FGGY: variants seen among roughly 807,000 people sequenced by gnomAD.
FGGY encodes FGGY carbohydrate kinase domain-containing protein.
In FGGY, 72 loss-of-function variants were observed where a neutral mutation model predicts 71.3. The observed-to-expected ratio is 1.01, with a 90% CI of 0.84 to 1.23. The LOEUF (loss-of-function observed/expected upper bound fraction) is 1.23, where lower values mean the gene tolerates loss of function less well. FGGY is among the 50% of genes most tolerant of loss of function. FGGY has a pLI of 0.00. For synonymous variants in FGGY, 251 were observed against 250.3 expected, an observed-to-expected ratio of 1.00 and a Z score of -0.02; for missense variants, 668 against 682.3, an observed-to-expected ratio of 0.98 and a Z score of 0.23.
intron 5 of FGGY, among the ~76,000 whole-genome samples, chr1:59,383,439 G>GC (rs1438102872): frequency 2.6e-5 from 4 of 152,028 alleles, no homozygotes; most frequent in Admixed American, 2.0e-4. Flanking sequence ...AAATTCTAAG[G>GC]CCCCCCGCCA....
At chr1:59,706,793 T>A in intron 14 of FGGY, among the ~76,000 whole-genome samples, 1 of 152,360 alleles carries the variant, frequency 6.6e-6, no homozygotes, top group South Asian at 2.1e-4. Flanking sequence ...ACATTCAGTT[T>A]CCTGATCTGT....
At chr1:59,419,728 G>T (rs1364925392) in intron 5 of FGGY, among the ~76,000 whole-genome samples, 1 of 152,158 alleles carries the variant, frequency 6.6e-6, no homozygotes, top group Non-Finnish European at 1.5e-5. Context: ...TAGGTCCAGA[G>T]TTAAGCATAA....
At chr1:59,675,341 T>C (rs1014168823) in intron 14 of FGGY, among the ~76,000 whole-genome samples, 5 of 152,174 alleles carry the variant, frequency 3.3e-5, no homozygotes, top group African/African-American at 1.2e-4. Flanking sequence ...CTAATACCTA[T>C]AACAATGCTT....
At chr1:59,542,576 C>G (rs928554298) in intron 7 of FGGY, among the ~76,000 whole-genome samples, 6 of 147,786 alleles carry the variant, frequency 4.1e-5, no homozygotes, top group Admixed American at 3.5e-4. Flanking sequence ...TCTGTCTCAG[C>G]GTCCCGAGTA....
At chr1:59,749,609 G>T (rs1207857836) in intron 14 of FGGY, among the ~76,000 whole-genome samples, 1 of 151,992 alleles carries the variant, frequency 6.6e-6, no homozygotes, top group Non-Finnish European at 1.5e-5. Flanking sequence ...AACTATTCTG[G>T]CCAGGCACAG....
In FGGY at chr1:59,725,614, G is replaced by GT. The variant is rs535026101; in HGVS notation, c.1513-32309dup. ...TTTATACCTAAGTGTTTTTGTGGGG[G>GT]TTTTTTTTGTTTTTTGTTTTTTGTT... On this transcript the variant is annotated intron_variant, in intron 14 of 15. Transcript: ENST00000303721. 1.9e-4 allele frequency among the ~76,000 whole-genome samples: 28 copies of GT among 150,750 alleles called. No individual in the cohort carries two copies. The South Asian group carries it at 2.5e-3, about 13-fold the overall frequency.
intron 14 of FGGY, among the ~76,000 whole-genome samples, chr1:59,681,736 T>C (rs1467288878): frequency 6.6e-6 from 1 of 152,114 alleles, no homozygotes; most frequent in Non-Finnish European, 1.5e-5. Context: ...ACAAGGCTTT[T>C]AGTTAAATCA....
chr1:59,303,657 T>C (rs1333591302), intron 1 of FGGY, among the ~76,000 whole-genome samples: 1 of 152,124 alleles, frequency 6.6e-6, no homozygotes, highest in Non-Finnish European at 1.5e-5. Flanking sequence ...TCTATTTTTA[T>C]TATTTTGAGG....
intron 6 of FGGY, among the ~76,000 whole-genome samples, chr1:59,492,302 T>A (rs1388830667): frequency 6.6e-6 from 1 of 152,156 alleles, no homozygotes; most frequent in Non-Finnish European, 1.5e-5. Flanking sequence ...GATAAGGTGA[T>A]CCTTGGCTGT....
chr1:59,370,713 A>G (rs548400573), intron 4 of FGGY, among the ~76,000 whole-genome samples: 29 of 151,924 alleles, frequency 1.9e-4, no homozygotes, highest in South Asian at 1.9e-3. Flanking sequence ...ATCTCTTGGC[A>G]GAAACTCTAC....
chr1:59,438,808 A>T (rs1233617942), intron 5 of FGGY, among the ~76,000 whole-genome samples: 1 of 152,216 alleles, frequency 6.6e-6, no homozygotes, highest in Non-Finnish European at 1.5e-5. Context: ...TTTGCTTCAC[A>T]TTTAGAAATT....
chr1:59,445,467 A>G (rs187192363), intron 5 of FGGY, among the ~76,000 whole-genome samples: 1 of 152,198 alleles, frequency 6.6e-6, no homozygotes, highest in South Asian at 2.1e-4. Flanking sequence ...ATGTTCTGGA[A>G]GCCATTGTTT....
chr1:59,455,348 T>A (rs79830444), intron 5 of FGGY, among the ~76,000 whole-genome samples: 2 of 152,146 alleles, frequency 1.3e-5, no homozygotes, highest in East Asian at 3.8e-4. Flanking sequence ...ATAATGGGGA[T>A]GACTGTTCCA....
intron 5 of FGGY, among the ~76,000 whole-genome samples, chr1:59,435,776 G>GTC (rs2068323493): frequency 6.7e-6 from 1 of 150,110 alleles, no homozygotes; most frequent in African/African-American, 2.5e-5. Flanking sequence ...GTGTGTGTGT[G>GTC]TGTGTGTGTG....
rs777717495 is a variant in FGGY at position 59,674,023 on chromosome 1, G to A, written c.1418-16G>A. The A allele has an allele frequency of 5.0e-6, 8 of 1,610,694 alleles. No homozygotes were observed. The highest frequency in any genetic ancestry group is 4.2e-6 in the Non-Finnish European group (5 of 1,178,256). On this transcript the variant is annotated splice_polypyrimidine_tract_variant and intron_variant, in intron 13 of 15. Transcript: ENST00000303721. ...GGCTCTGCTCCCTAACCAAGGTGTGGCCTTGTCCTGCGCAGGCATGCCTGT... is the reference window on the plus strand; with the variant it reads ...GGCTCTGCTCCCTAACCAAGGTGTGACCTTGTCCTGCGCAGGCATGCCTGT...
intron 8 of FGGY, among the ~76,000 whole-genome samples, chr1:59,567,422 C>G (rs1170334562): frequency 6.6e-6 from 1 of 152,056 alleles, no homozygotes; most frequent in Non-Finnish European, 1.5e-5. Context: ...TGTGTGGCAC[C>G]AGGCAAAGAC....
intron 7 of FGGY, among the ~76,000 whole-genome samples, chr1:59,526,461 T>C (rs1171424145): frequency 2.0e-5 from 3 of 152,230 alleles, no homozygotes; most frequent in African/African-American, 7.2e-5. Flanking sequence ...CAGTCCCTTC[T>C]CTAGATGACT....
chr1:59,652,235 A>G (rs2097170113), intron 11 of FGGY, among the ~76,000 whole-genome samples: 1 of 146,868 alleles, frequency 6.8e-6, no homozygotes, highest in Non-Finnish European at 1.5e-5. Flanking sequence ...TGTGTCTTGG[A>G]GTTGCTCTTC....
chr1:59,435,337 C>T (rs977460385), intron 5 of FGGY, among the ~76,000 whole-genome samples: 2 of 152,188 alleles, frequency 1.3e-5, no homozygotes, highest in African/African-American at 4.8e-5. Context: ...TCTTAGATCT[C>T]ACTACTTCTA....
Sources: gnomAD v4.1 joint callset for allele counts (sites outside exome capture counted in the v4.1 genomes callset) on GRCh38, gnomAD v4.1.1 for gene constraint, MANE v1.5 for transcripts, NCBI Gene and HGNC (gene_info 2026-07-23, HGNC 2026-07-21) for gene names.